TBC1D1: variants seen among roughly 807,000 people sequenced by gnomAD.
TBC1D1 encodes TBC1 (tre-2/USP6, BUB2, cdc16) domain family, member 1.
In TBC1D1, 89 loss-of-function variants were observed where a neutral mutation model predicts 125.6. That is an observed-to-expected ratio of 0.71 (90% CI 0.60 to 0.85). The LOEUF is 0.85. Among genes scored for constraint, TBC1D1 ranks in the 40% least tolerant of loss-of-function variants. The probability of loss-of-function intolerance (pLI) is 0.00; values close to 1 mark genes in which losing one functional copy is unlikely to be tolerated. For missense variants in TBC1D1, 1,377 were observed against 1,469.2 expected, an observed-to-expected ratio of 0.94 and a Z score of 1.03; for synonymous variants, 565 against 564.1, an observed-to-expected ratio of 1.00 and a Z score of -0.02.
intron 17 of TBC1D1, among the ~76,000 whole-genome samples, 164 bp from the exon 20 acceptor site, chr4:38,124,798 G>T (rs1413331270): frequency 6.6e-6 from 1 of 152,072 alleles, no homozygotes; most frequent in African/African-American, 2.4e-5. Context: ...ATACTGTCTT[G>T]ACAACACTGT....
intron 2 of TBC1D1, among the ~76,000 whole-genome samples, chr4:37,979,005 T>A (rs1369362433): frequency 6.6e-6 from 1 of 152,198 alleles, no homozygotes; most frequent in Non-Finnish European, 1.5e-5. Context: ...GCCTCCCCAG[T>A]AGCTGGGATT....
At chr4:37,933,332 A>G (rs1723687745) in intron 2 of TBC1D1, among the ~76,000 whole-genome samples, 2 of 152,124 alleles carry the variant, frequency 1.3e-5, no homozygotes, top group South Asian at 2.1e-4. Flanking sequence ...CTATTTATAT[A>G]CATGTAACAA....
intron 17 of TBC1D1, chr4:38,120,222 G>A (rs1763629879): frequency 1.5e-6 from 1 of 662,490 alleles, no homozygotes; most frequent in Admixed American, 6.3e-5. Flanking sequence ...GACTCCTGCT[G>A]TGCTAAGTGG....
At position 38,044,454 on chromosome 4, in the gene TBC1D1, A is replaced by T; in HGVS notation, c.1506A>T (p.Arg502Ser). The change falls in exon 9 of 20, where the codon AGA becomes AGT. Residue 502 changes from arginine to serine, a missense_variant. By Grantham distance (110) the Arg-to-Ser change is moderately radical. Coordinates refer to ENST00000261439, the MANE Select transcript of TBC1D1 (RefSeq NM_015173.4). ...ATATGCTGAAAAACAAAGCAAAGAG[A>T]TCTTTAACAGAGTCTTTAGAAAGTA... is the stretch of plus-strand genomic sequence containing the variant. 1.2e-6 allele frequency: 2 copies of T among 1,613,472 alleles called. No individual in the cohort carries two copies. Among genetic ancestry groups the T allele is most frequent in the Non-Finnish European group, 8.5e-7 (1 of 1,179,888 alleles).
intron 2 of TBC1D1, among the ~76,000 whole-genome samples, chr4:37,944,712 G>A (rs142349552): frequency 0.022 from 3,278 of 152,294 alleles, 123 homozygotes; most frequent in African/African-American, 0.074. Flanking sequence ...GGAGTGACCC[G>A]ATTTTCCAGG....
At chr4:37,901,101 A>T (rs1715891521) in intron 1 of TBC1D1, among the ~76,000 whole-genome samples, 1 of 150,932 alleles carries the variant, frequency 6.6e-6, no homozygotes. Flanking sequence ...AAGAACATAG[A>T]CAGGGAAATG....
Position 38,049,804 on chromosome 4 carries a change from G to A in TBC1D1, c.1816G>A (p.Glu606Lys), listed in dbSNP as rs762688852. 9 of 1,614,142 alleles carry A rather than the reference G, an allele frequency of 5.6e-6. No individual in the cohort carries two copies. In the East Asian group the frequency reaches 2.0e-4, roughly 36 times the overall value. Residue 606 changes from glutamate to lysine, a missense_variant, in exon 11 of 20, where the codon GAA becomes AAA. Physicochemically the swap from Glu to Lys is moderately conservative, Grantham distance 56. Around this residue, in one of 3 missense-constraint regions of TBC1D1, gnomAD observed 822 missense variants for 824.6 expected, o/e 1.00. Coordinates refer to ENST00000261439, the MANE Select transcript of TBC1D1 (RefSeq NM_015173.4). ...GAGTCACTTCCCCATCGAATGCCAG[G>A]AACCTCCACAACCTGCCCGGGGGTC... is the stretch of plus-strand genomic sequence containing the variant.
chr4:38,048,504 T>C (rs757430485), intron 10 of TBC1D1, among the ~76,000 whole-genome samples: 4 of 151,930 alleles, frequency 2.6e-5, no homozygotes, highest in Non-Finnish European at 5.9e-5. Flanking sequence ...CTTATACAAT[T>C]AAATGTATGT....
At chr4:37,962,724 A>C (rs1730292317) in intron 2 of TBC1D1, among the ~76,000 whole-genome samples, 1 of 152,228 alleles carries the variant, frequency 6.6e-6, no homozygotes, top group African/African-American at 2.4e-5. Flanking sequence ...TAGTTATGTT[A>C]GTAGTTATGA....
intron 15 of TBC1D1, among the ~76,000 whole-genome samples, chr4:38,109,471 C>T (rs1423888651): frequency 6.6e-6 from 1 of 152,150 alleles, no homozygotes; most frequent in Non-Finnish European, 1.5e-5. Flanking sequence ...GTGGTGCTGG[C>T]AAATGTTTAA....
At chr4:37,928,097 G>A (rs535685210) in intron 2 of TBC1D1, among the ~76,000 whole-genome samples, 2 of 152,242 alleles carry the variant, frequency 1.3e-5, no homozygotes, top group East Asian at 3.9e-4. Flanking sequence ...GTAAAATGGG[G>A]CTAATAATAG....
chr4:37,904,206 A>T (rs1716799520), intron 2 of TBC1D1, among the ~76,000 whole-genome samples: 1 of 151,512 alleles, frequency 6.6e-6, no homozygotes, highest in South Asian at 2.1e-4. Context: ...AAACATTTTC[A>T]TTCAAGAAAA....
intron 14 of TBC1D1, among the ~76,000 whole-genome samples, chr4:38,096,485 C>G (rs1759366103): frequency 6.6e-6 from 1 of 152,246 alleles, no homozygotes; most frequent in Admixed American, 6.5e-5. Context: ...GCTTAAATCT[C>G]AGGCCTGCCA....
Position 38,021,646 on chromosome 4 carries a change from G to A in TBC1D1, c.1138G>A (p.Ala380Thr). The change falls in exon 6 of 20, where the codon GCT (alanine) becomes ACT (threonine). Residue 380 changes from alanine to threonine, a missense_variant. This residue lies in a region of TBC1D1 where 822 missense variants were observed against 824.6 expected (regional missense o/e 1.00). Coordinates refer to ENST00000261439, the MANE Select transcript of TBC1D1 (RefSeq NM_015173.4). ...CACGGTGGCCGCAGTGCAGCAGACAGCTAAGGCGCCAGCCCAGCTGTGTGA... is the reference window on the plus strand; with the variant it reads ...CACGGTGGCCGCAGTGCAGCAGACAACTAAGGCGCCAGCCCAGCTGTGTGA... 2 of 1,597,226 alleles carry A rather than the reference G, an allele frequency of 1.3e-6. No individual in the cohort carries two copies. Among genetic ancestry groups the A allele is most frequent in the Non-Finnish European group, 1.7e-6 (2 of 1,172,370 alleles).
intron 15 of TBC1D1, among the ~76,000 whole-genome samples, chr4:38,108,157 G>A (rs543011518): frequency 1.4e-4 from 22 of 152,284 alleles, no homozygotes; most frequent in Admixed American, 1.4e-3. Flanking sequence ...CCAGCATCCT[G>A]TCTTCTGTCT....
intron 12 of TBC1D1, among the ~76,000 whole-genome samples, chr4:38,062,890 G>A (rs1424438059): frequency 6.6e-6 from 1 of 152,178 alleles, no homozygotes; most frequent in Non-Finnish European, 1.5e-5. Flanking sequence ...GAGGGGAAGA[G>A]GGCTGAGGGC....
rs545441292 is a variant in TBC1D1 at position 38,014,878 on chromosome 4, T to A, written c.787T>A (p.Ser263Thr). The change falls in exon 3 of 20, where the codon TCC becomes ACC. Residue 263 changes from serine (S) to threonine (T), a missense_variant. Ser to Thr is a moderately conservative substitution (Grantham distance 58). Coordinates refer to ENST00000261439, the MANE Select transcript of TBC1D1 (RefSeq NM_015173.4). This position sits in a 1 kb window ranked among gnomAD's most constrained non-coding sequence, Gnocchi z 5.1. ...CCTCCGAAGCAGCGGCTTCTTCAGC[T>A]CCTTCGAGGAGAGCGACATTGAGAA... 1.9e-6 allele frequency: 3 copies of A among 1,608,446 alleles called. No homozygotes were observed. In the South Asian group the frequency reaches 3.3e-5, roughly 18 times the overall value.
intron 2 of TBC1D1, among the ~76,000 whole-genome samples, chr4:38,013,158 C>G (rs140172174): frequency 6.6e-6 from 1 of 152,080 alleles, no homozygotes; most frequent in African/African-American, 2.4e-5. Flanking sequence ...GTAAAACTTT[C>G]CTAAAGATCT....
At chr4:38,108,853 AAGT>A (rs1172786846) in intron 15 of TBC1D1, among the ~76,000 whole-genome samples, 1 of 152,236 alleles carries the variant, frequency 6.6e-6, no homozygotes, top group African/African-American at 2.4e-5. Flanking sequence ...AAAAGATGAG[AAGT>A]AGGAGAACCT....
Sources: allele counts gnomAD v4.1 joint callset (sites outside exome capture counted in the v4.1 genomes callset), GRCh38; gene constraint gnomAD v4.1.1; regional missense constraint gnomAD v4.1.1; non-coding constraint Gnocchi (gnomAD v3.1); transcripts MANE v1.5; gene names NCBI Gene and HGNC (gene_info 2026-07-23, HGNC 2026-07-21).